The following FERMT2 variants were observed in gnomAD, a reference collection of about 807,000 sequenced individuals.
FERMT2 encodes the protein FERM domain containing kindlin 2, also known as fermitin family homolog 2.
In FERMT2, 15 loss-of-function variants were observed where a neutral mutation model predicts 82.7. That is an observed-to-expected ratio of 0.18 (90% CI 0.12 to 0.28). The LOEUF (loss-of-function observed/expected upper bound fraction) is 0.28, where lower values mean the gene tolerates loss of function less well. Ranked by LOEUF, FERMT2 falls within the 10% of genes least tolerant of loss-of-function variation. The pLI is 1.00. For synonymous variants in FERMT2, 274 were observed against 271.5 expected (o/e 1.01, Z -0.09); for missense variants, 645 against 809.4 (o/e 0.80, Z 2.46).
intron 3 of FERMT2, among the ~76,000 whole-genome samples, chr14:52,899,783 A>G (rs1379967257): frequency 6.6e-6 from 1 of 152,212 alleles, no homozygotes; most frequent in African/African-American, 2.4e-5. Flanking sequence ...TGATCATTTC[A>G]CTGACATGAG....
chr14:52,913,683 T>C (rs535983266), intron 3 of FERMT2, among the ~76,000 whole-genome samples: 1 of 123,854 alleles, frequency 8.1e-6, no homozygotes, highest in South Asian at 2.9e-4. Flanking sequence ...CCAAAAACAG[T>C]AGTAGTAGTA....
At chr14:52,893,720 G>T (rs1005398836) in intron 3 of FERMT2, among the ~76,000 whole-genome samples, 1 of 152,060 alleles carries the variant, frequency 6.6e-6, no homozygotes, top group Non-Finnish European at 1.5e-5. Flanking sequence ...ATCTAAAACT[G>T]GAAGAAAAAT....
At chr14:52,899,463 T>C (rs905926327) in intron 3 of FERMT2, among the ~76,000 whole-genome samples, 4 of 152,156 alleles carry the variant, frequency 2.6e-5, no homozygotes, top group African/African-American at 4.8e-5. Context: ...TTTGTATTTT[T>C]AGTAGAGACA....
intron 2 of FERMT2, among the ~76,000 whole-genome samples, chr14:52,925,270 G>C (rs750688494): frequency 1.3e-5 from 2 of 152,172 alleles, no homozygotes; most frequent in Non-Finnish European, 2.9e-5. Context: ...AGTACTTAAA[G>C]GCCAGGAGCG....
chr14:52,892,299 G>A (rs1181414671), intron 4 of FERMT2, among the ~76,000 whole-genome samples: 20 of 150,404 alleles, frequency 1.3e-4, no homozygotes, highest in Non-Finnish European at 1.9e-4. Flanking sequence ...CTGTCACCAC[G>A]CCCAGCTAAT....
At chr14:52,925,699 T>A (rs1889228255) in intron 2 of FERMT2, among the ~76,000 whole-genome samples, 1 of 152,080 alleles carries the variant, frequency 6.6e-6, no homozygotes, top group South Asian at 2.1e-4. Flanking sequence ...AGAGCAGTGA[T>A]GTGATCTCAA....
In FERMT2 at chr14:52,916,364, GA is replaced by G. The variant is rs142759296; in HGVS notation, c.391+2758del. Among the ~76,000 whole-genome samples, 7 of 140,020 alleles carry G rather than the reference GA, an allele frequency of 5.0e-5. No individual in the cohort carries two copies. The South Asian group carries it at 1.2e-3, about 23-fold the overall frequency. The allele number at this position is 140,020 out of a possible 152,430, so 91.9% of individuals were successfully genotyped here. A position where few individuals can be genotyped will look rare whatever the true frequency, so the allele number is the denominator to read the frequency against. On this transcript the variant is annotated intron_variant, in intron 3 of 14. Transcript: ENST00000341590. ...TCTCAAAAAAAAAAGAAGAAGAAAA[GA>G]AAAAAAAAAGAAATAAGCTATCAAG...
intron 2 of FERMT2, among the ~76,000 whole-genome samples, chr14:52,922,929 C>T (rs184793051): frequency 1.1e-3 from 162 of 152,204 alleles, no homozygotes; most frequent in African/African-American, 3.6e-3. Context: ...TGAACATCAA[C>T]GAGCGTATTC....
intron 3 of FERMT2, among the ~76,000 whole-genome samples, chr14:52,911,789 A>T (rs1389590765): frequency 6.6e-6 from 1 of 152,186 alleles, no homozygotes; most frequent in Non-Finnish European, 1.5e-5. Context: ...ATTTATAGCA[A>T]TAACAGTGTT....
At chr14:52,860,495 T>A in intron 12 of FERMT2, 30 bp from the exon 13 acceptor site, 1 of 1,589,648 alleles carries the variant, frequency 6.3e-7, no homozygotes. Flanking sequence ...ACCTTTACCA[T>A]TGAACATTAT....
chr14:52,899,902 ATAAG>A (rs764157400), intron 3 of FERMT2, among the ~76,000 whole-genome samples: 65 of 152,328 alleles, frequency 4.3e-4, no homozygotes, highest in Non-Finnish European at 6.8e-4. Context: ...GGAGAAGAAC[ATAAG>A]TAAGTAAACA....
intron 12 of FERMT2, chr14:52,860,970 TTTTA>T (rs768216920): frequency 1.5e-5 from 22 of 1,432,518 alleles, no homozygotes; most frequent in Non-Finnish European, 1.5e-5. Flanking sequence ...GGCTATGAAT[TTTTA>T]TTTATTCTTT....
At chr14:52,892,745 C>A (rs192673114) in intron 4 of FERMT2, among the ~76,000 whole-genome samples, 2 of 152,258 alleles carry the variant, frequency 1.3e-5, no homozygotes, top group African/African-American at 4.8e-5. Flanking sequence ...CGTGAGCCAC[C>A]GCGCCTGGCC....
chr14:52,859,781 C>A, intron 13 of FERMT2, 67 bp from the exon 14 acceptor site: 1 of 920,798 alleles, frequency 1.1e-6, no homozygotes, highest in Non-Finnish European at 1.6e-6. Context: ...TGCTTTTCTT[C>A]AAGATAAGTG....
Position 52,864,410 on chromosome 14 carries a change from C to G in FERMT2, c.1593G>C (p.Lys531Asn). The G allele has an allele frequency of 6.2e-7, 1 of 1,611,464 alleles. No homozygotes were observed. Among genetic ancestry groups the G allele is most frequent in the East Asian group, 2.2e-5 (1 of 44,866 alleles). Reference protein sequence around the residue: ...LVSPRYLKKYKNKQITARILE... With the variant: ...LVSPRYLKKYNNKQITARILE... ...AAAATGAAGTAAGTACCTGCTTGTT[C>G]TTATACTTTTTTAGATAGCGGGGAG... Residue 531 changes from lysine (K) to asparagine (N), a missense_variant, in exon 12 of 15, where the codon AAG becomes AAC. Coordinates refer to ENST00000341590, the MANE Select transcript of FERMT2 (RefSeq NM_006832.3).
intron 2 of FERMT2, among the ~76,000 whole-genome samples, chr14:52,923,849 G>A (rs957191): frequency 0.81 from 123,953 of 152,146 alleles, 50,886 homozygotes; most frequent in East Asian, 1. Context: ...AATCAGAAGT[G>A]TCAATACCAC....
At chr14:52,897,476 TTTTTC>T (rs1887354906) in intron 3 of FERMT2, among the ~76,000 whole-genome samples, 1 of 152,194 alleles carries the variant, frequency 6.6e-6, no homozygotes, top group Non-Finnish European at 1.5e-5. Context: ...CCTTTTCTCA[TTTTTC>T]TGTAAGATTT....
chr14:52,944,128 A>G (rs544287047), intron 2 of FERMT2, among the ~76,000 whole-genome samples: 1 of 152,370 alleles, frequency 6.6e-6, no homozygotes, highest in Admixed American at 6.5e-5. Flanking sequence ...CCACTTTTAA[A>G]GAACTTAAAA....
intron 2 of FERMT2, among the ~76,000 whole-genome samples, chr14:52,921,917 C>G (rs1888974455): frequency 6.6e-6 from 1 of 152,110 alleles, no homozygotes; most frequent in Admixed American, 6.6e-5. Flanking sequence ...TTTCTCACAT[C>G]TAGTGTCAAT....
Sources: allele counts gnomAD v4.1 joint callset (sites outside exome capture counted in the v4.1 genomes callset), GRCh38; gene constraint gnomAD v4.1.1; transcripts MANE v1.5; gene names NCBI Gene and HGNC (gene_info 2026-07-23, HGNC 2026-07-21).